Variants in DLG2 observed in about 807,000 individuals in gnomAD.
DLG2 encodes the protein discs large MAGUK scaffold protein 2, also known as disks large homolog 2.
DLG2 carries 45 observed loss-of-function variants against 132.5 expected under a neutral mutation model. The observed-to-expected ratio is 0.34, with a 90% CI of 0.27 to 0.44. The LOEUF (loss-of-function observed/expected upper bound fraction) is 0.44. Ranked by LOEUF, DLG2 falls within the 20% of genes least tolerant of loss-of-function variation. DLG2 has a pLI of 1.00. For missense variants in DLG2, 1,045 were observed against 1,196.9 expected (o/e 0.87, Z 1.87); for synonymous variants, 424 against 419.6 (o/e 1.01, Z -0.13).
chr11:84,724,737 C>A (rs547814185), intron 6 of DLG2, among the ~76,000 whole-genome samples: 8 of 152,214 alleles, frequency 5.3e-5, no homozygotes, highest in Non-Finnish European at 1.2e-4. Context: ...GCTAAATGAA[C>A]CAACTAACAA....
intron 7 of DLG2, among the ~76,000 whole-genome samples, chr11:84,503,648 A>T (rs2099229079): frequency 6.6e-6 from 1 of 152,218 alleles, no homozygotes; most frequent in Admixed American, 6.5e-5. Context: ...CACATGTTCC[A>T]GCTCCAGGGC....
intron 6 of DLG2, chr11:84,720,525 C>A: frequency 2.0e-6 from 2 of 980,654 alleles, no homozygotes; most frequent in Non-Finnish European, 2.4e-6. Flanking sequence ...CGTGGCCATC[C>A]CGGAGCCCCG....
intron 21 of DLG2, among the ~76,000 whole-genome samples, chr11:83,520,792 A>G (rs371227627): frequency 2.0e-5 from 3 of 152,302 alleles, no homozygotes; most frequent in East Asian, 1.9e-4. Flanking sequence ...ATTTGACTCA[A>G]TAGCCTTCAT....
At chr11:84,961,526 T>TTGTGTGTGTGTGTGTG (rs71465017) in intron 6 of DLG2, among the ~76,000 whole-genome samples, 1 of 143,784 alleles carries the variant, frequency 7.0e-6, no homozygotes, top group South Asian at 2.3e-4. Flanking sequence ...AATTGTATCT[T>TTGTGTGTGTGTGTGTG]TGTGTGTGTG....
At chr11:85,462,068 C>T (rs2092633364) in intron 3 of DLG2, among the ~76,000 whole-genome samples, 1 of 152,178 alleles carries the variant, frequency 6.6e-6, no homozygotes, top group South Asian at 2.1e-4. Flanking sequence ...CATCACTGGC[C>T]ATCAGAGAAA....
chr11:83,911,995 A>C (rs901664275), intron 15 of DLG2, among the ~76,000 whole-genome samples: 5 of 152,118 alleles, frequency 3.3e-5, no homozygotes, highest in Non-Finnish European at 1.5e-5. Flanking sequence ...AAAAAAAAGA[A>C]TTATTGAAAC....
intron 9 of DLG2, among the ~76,000 whole-genome samples, chr11:84,150,267 T>G (rs1228228903): frequency 1.3e-5 from 2 of 152,334 alleles, no homozygotes; most frequent in Non-Finnish European, 1.5e-5. Flanking sequence ...GGTAGAGATC[T>G]TTCTCCTTTT....
chr11:84,640,480 C>T, intron 6 of DLG2: 1 of 465,830 alleles, frequency 2.1e-6, no homozygotes, highest in South Asian at 2.0e-5. Flanking sequence ...CAGCAAGCCA[C>T]AACAGTTAAA....
rs143246124 is a variant in DLG2, at chr11:84,416,339, G to T, written c.519+118231C>A. Among the ~76,000 whole-genome samples, 651 of 152,280 alleles carry T rather than the reference G, an allele frequency of 4.3e-3. 11 individuals carry two copies. The highest frequency in any genetic ancestry group is 0.014 in the African/African-American group (598 of 41,552). On this transcript the variant is annotated intron_variant, in intron 7 of 27. Transcript: ENST00000376104. ...CATCCAAGAAAAATCAGTGTTTCCA[G>T]AGATGTGTGCTGAGATGTCTATGGA...
At chr11:84,287,779 C>CACAA (rs2097926615) in intron 7 of DLG2, among the ~76,000 whole-genome samples, 2 of 147,006 alleles carry the variant, frequency 1.4e-5, no homozygotes, top group Non-Finnish European at 3.0e-5. Context: ...CACACACACA[C>CACAA]AAATACTTTA....
At chr11:83,724,753 A>C in intron 18 of DLG2, 1 of 669,272 alleles carries the variant, frequency 1.5e-6, no homozygotes. Flanking sequence ...TTTAGGAAGG[A>C]AAGGGAGGAG....
intron 5 of DLG2, among the ~76,000 whole-genome samples, chr11:85,146,232 CTCT>C (rs1385281549): frequency 4.0e-5 from 4 of 100,580 alleles, no homozygotes; most frequent in African/African-American, 1.3e-4. Flanking sequence ...TTCTCCCTCT[CTCT>C]CTCTCTCTCT....
chr11:84,201,392 G>C (rs2096590760), intron 8 of DLG2, among the ~76,000 whole-genome samples: 2 of 152,132 alleles, frequency 1.3e-5, no homozygotes, highest in Non-Finnish European at 2.9e-5. Context: ...CAAGCATCGT[G>C]CCCTGATATT....
chr11:85,438,233 C>G (rs1026982515), intron 3 of DLG2, among the ~76,000 whole-genome samples: 1 of 152,122 alleles, frequency 6.6e-6, no homozygotes, highest in Admixed American at 6.5e-5. Context: ...AGACATCTGC[C>G]CCCATGACCC....
intron 18 of DLG2, among the ~76,000 whole-genome samples, chr11:83,652,995 T>A (rs565237832): frequency 3.0e-4 from 45 of 152,210 alleles, no homozygotes; most frequent in Non-Finnish European, 7.4e-5. Flanking sequence ...AAACTAAGGC[T>A]CACACTAGTT....
intron 17 of DLG2, among the ~76,000 whole-genome samples, chr11:83,831,217 G>C (rs1175436649): frequency 1.3e-5 from 2 of 152,166 alleles, no homozygotes; most frequent in African/African-American, 4.8e-5. Flanking sequence ...TGCACAATAA[G>C]GTTTGATAGC....
chr11:85,139,869 TAC>T (rs1365851366), intron 5 of DLG2, among the ~76,000 whole-genome samples: 12 of 152,172 alleles, frequency 7.9e-5, no homozygotes, highest in African/African-American at 2.9e-4. Flanking sequence ...TGTATATGTA[TAC>T]ACACACAGAT....
intron 3 of DLG2, among the ~76,000 whole-genome samples, chr11:85,330,975 G>A (rs1297690924): frequency 6.6e-6 from 1 of 151,908 alleles, no homozygotes; most frequent in African/African-American, 2.4e-5. Flanking sequence ...AATGAATCAC[G>A]GTAACATGCA....
intron 6 of DLG2, among the ~76,000 whole-genome samples, chr11:84,579,985 G>T (rs1171635654): frequency 2.0e-5 from 3 of 152,174 alleles, no homozygotes; most frequent in Non-Finnish European, 2.9e-5. Context: ...CACCATGAAA[G>T]TGAGTATAAG....
Sources: allele counts gnomAD v4.1 joint callset (sites outside exome capture counted in the v4.1 genomes callset), GRCh38; gene constraint gnomAD v4.1.1; transcripts MANE v1.5; gene names NCBI Gene and HGNC (gene_info 2026-07-23, HGNC 2026-07-21).